Variants in KPNA1 observed in about 807,000 individuals in gnomAD.
The protein encoded by KPNA1 is importin subunit alpha-5.
KPNA1 carries 10 observed loss-of-function variants against 70.5 expected under a neutral mutation model. The ratio of observed to expected loss-of-function variants is 0.14; its 90% CI spans 0.09 to 0.24. The LOEUF (loss-of-function observed/expected upper bound fraction) is 0.24, where lower values mean the gene tolerates loss of function less well. KPNA1 is among the 10% of genes least tolerant of loss of function. KPNA1 has a pLI of 1.00. For missense variants in KPNA1, 397 were observed against 637.9 expected, an observed-to-expected ratio of 0.62 and a Z score of 4.07; for synonymous variants, 192 against 221.9, an observed-to-expected ratio of 0.87 and a Z score of 1.20.
chr3:122,430,933 T>C (rs1161825177), intron 12 of KPNA1, among the ~76,000 whole-genome samples: 1 of 152,182 alleles, frequency 6.6e-6, no homozygotes, highest in Non-Finnish European at 1.5e-5. Context: ...GAACGACCTA[T>C]AGCAAGACTG....
intron 2 of KPNA1, among the ~76,000 whole-genome samples, chr3:122,477,289 G>C (rs765925169): frequency 1.5e-4 from 23 of 152,194 alleles, no homozygotes; most frequent in Non-Finnish European, 3.1e-4. Flanking sequence ...GGAAAGGCTG[G>C]AGAGATGTTG....
intron 5 of KPNA1, 83 bp from the exon 6 acceptor site, chr3:122,454,084 A>C: frequency 1.1e-6 from 1 of 926,514 alleles, no homozygotes; most frequent in Non-Finnish European, 1.6e-6. Context: ...TCTGTACATG[A>C]AAAAAAGATT....
chr3:122,479,887 A>G (rs1408412536), intron 2 of KPNA1, among the ~76,000 whole-genome samples: 2 of 152,216 alleles, frequency 1.3e-5, no homozygotes, highest in Non-Finnish European at 2.9e-5. Flanking sequence ...AGTTTTATCC[A>G]TAACTGTCAA....
intron 8 of KPNA1, 71 bp downstream of exon 8, chr3:122,451,463 A>C (rs1306509480): frequency 1.2e-5 from 9 of 740,468 alleles, no homozygotes; most frequent in Non-Finnish European, 2.0e-5. Context: ...CTTCCTGTTC[A>C]CCTTACCATT....
chr3:122,496,371 A>G (rs2107498605), intron 2 of KPNA1, 66 bp downstream of exon 2: 3 of 1,403,298 alleles, frequency 2.1e-6, no homozygotes, highest in Middle Eastern at 3.6e-4. Context: ...TAAAATGAAG[A>G]TAGTTTCAGG....
intron 5 of KPNA1, chr3:122,460,592 T>C (rs1158318819): frequency 1.8e-5 from 5 of 270,712 alleles, no homozygotes; most frequent in Non-Finnish European, 2.8e-5. Flanking sequence ...AGCTGAGATC[T>C]TGCCACTGCA....
At chr3:122,489,483 C>T (rs1040633987) in intron 2 of KPNA1, among the ~76,000 whole-genome samples, 2 of 151,480 alleles carry the variant, frequency 1.3e-5, no homozygotes, top group Non-Finnish European at 2.9e-5. Context: ...TTGGTAGACT[C>T]GTTATGTTGC....
intron 2 of KPNA1, among the ~76,000 whole-genome samples, chr3:122,484,809 A>T (rs2076611132): frequency 6.6e-6 from 1 of 152,190 alleles, no homozygotes; most frequent in South Asian, 2.1e-4. Context: ...ACATAATCCC[A>T]ATCAAATTCC....
chr3:122,441,614 T>TC (rs926009150), intron 10 of KPNA1, among the ~76,000 whole-genome samples: 24 of 152,244 alleles, frequency 1.6e-4, no homozygotes, highest in African/African-American at 5.5e-4. Flanking sequence ...TTTTTTTTTT[T>TC]CTTTGAGCTG....
At chr3:122,512,000 T>G (rs186731201) in intron 1 of KPNA1, among the ~76,000 whole-genome samples, 27 of 132,324 alleles carry the variant, frequency 2.0e-4, no homozygotes, top group East Asian at 8.9e-4. Flanking sequence ...AGGGAAAAGG[T>G]AAAAGGACCA....
At chr3:122,509,442 T>C (rs780544781) in intron 1 of KPNA1, among the ~76,000 whole-genome samples, 1 of 152,088 alleles carries the variant, frequency 6.6e-6, no homozygotes, top group South Asian at 2.1e-4. Flanking sequence ...CACAGGGTAT[T>C]TGAAATAGCA....
chr3:122,438,614 G>T (rs374321902), intron 10 of KPNA1, among the ~76,000 whole-genome samples: 2 of 151,982 alleles, frequency 1.3e-5, no homozygotes, highest in Admixed American at 6.6e-5. Context: ...TTGAACTCCC[G>T]ACCTCATGTG....
chr3:122,487,823 ATATATGT>A (rs986927768), intron 2 of KPNA1, among the ~76,000 whole-genome samples: 1 of 152,206 alleles, frequency 6.6e-6, no homozygotes, highest in Admixed American at 6.5e-5. Context: ...AAAGTTCTAG[ATATATGT>A]TATATAACAA....
intron 2 of KPNA1, among the ~76,000 whole-genome samples, chr3:122,469,035 T>C (rs575958800): frequency 3.2e-4 from 48 of 152,160 alleles, no homozygotes; most frequent in African/African-American, 1.1e-3. Context: ...TTTGACACAA[T>C]AATGACTGAG....
At chr3:122,439,842 T>G (rs1167156867) in intron 10 of KPNA1, among the ~76,000 whole-genome samples, 1 of 151,932 alleles carries the variant, frequency 6.6e-6, no homozygotes, top group Non-Finnish European at 1.5e-5. Flanking sequence ...ATACAAACTA[T>G]AAGGGAGGGA....
At chr3:122,487,649 C>T (rs2076644858) in intron 2 of KPNA1, among the ~76,000 whole-genome samples, 1 of 152,098 alleles carries the variant, frequency 6.6e-6, no homozygotes, top group African/African-American at 2.4e-5. Flanking sequence ...TGAAATAAGT[C>T]AGTTACAAGA....
chr3:122,454,137 A>C (rs1462270440), intron 5 of KPNA1, 136 bp from the exon 6 acceptor site: 2 of 528,928 alleles, frequency 3.8e-6, no homozygotes, highest in African/African-American at 3.9e-5. Flanking sequence ...TGAGTACTAT[A>C]TTAATTTTAA....
At chr3:122,444,076 G>A (rs886824595) in intron 9 of KPNA1, among the ~76,000 whole-genome samples, 5 of 152,128 alleles carry the variant, frequency 3.3e-5, no homozygotes, top group African/African-American at 7.2e-5. Context: ...TTTAGAGGCC[G>A]CCCCCTGGGA....
At position 122,504,488 on chromosome 3, in the gene KPNA1, G is replaced by A. The variant is rs570933780; in HGVS notation, c.-5-7918C>T. 9.2e-5 allele frequency among the ~76,000 whole-genome samples: 14 copies of A among 152,268 alleles called. No individual in the cohort carries two copies. In the East Asian group the frequency reaches 2.7e-3, roughly 29 times the overall value. ...AGGGGACATAAACATTCAGTCTACA[G>A]CATTACTTGTAACAAATGAGCCATT... On this transcript the variant is annotated intron_variant, in intron 1 of 13. Transcript: ENST00000344337.
Sources: allele counts gnomAD v4.1 joint callset (sites outside exome capture counted in the v4.1 genomes callset), GRCh38; gene constraint gnomAD v4.1.1; transcripts MANE v1.5; gene names NCBI Gene and HGNC (gene_info 2026-07-23, HGNC 2026-07-21).